BCAS3: variants seen among roughly 807,000 people sequenced by gnomAD.
The protein encoded by BCAS3 is BCAS4/BCAS3 fusion.
A neutral mutation model predicts 116.1 loss-of-function variants in BCAS3; 53 were observed. That is an observed-to-expected ratio of 0.46 (90% CI 0.37 to 0.57). The LOEUF (loss-of-function observed/expected upper bound fraction) is 0.57, where lower values mean the gene tolerates loss of function less well. Among genes scored for constraint, BCAS3 ranks in the 20% least tolerant of loss-of-function variants. BCAS3 has a pLI of 0.00. For missense variants in BCAS3, 917 were observed against 1,165.4 expected (o/e 0.79, Z 3.10); for synonymous variants, 391 against 408.2 (o/e 0.96, Z 0.51).
At chr17:60,886,728 C>T (rs1206530075) in intron 9 of BCAS3, among the ~76,000 whole-genome samples, 1 of 152,236 alleles carries the variant, frequency 6.6e-6, no homozygotes, top group African/African-American at 2.4e-5. Flanking sequence ...TGTGCTCCTG[C>T]TGGGGGGTGC....
At position 61,034,633 on chromosome 17, in the gene BCAS3, T is replaced by G; in HGVS notation, c.1638-33T>G. 1 of 1,562,048 alleles carries G rather than the reference T, an allele frequency of 6.4e-7. No individual in the cohort carries two copies. The highest frequency in any genetic ancestry group is 2.2e-5 in the East Asian group (1 of 44,510). On this transcript the variant is annotated intron_variant, in intron 16 of 23. Transcript: ENST00000407086. This position sits in a 1 kb window ranked among gnomAD's most constrained non-coding sequence, Gnocchi z 5.0. Reference sequence around the variant, plus strand: ...CTAAAGGAGTATCATTTCATCATGATAATTGTTTTTTACTCTTATTTTATT... The same window carrying G: ...CTAAAGGAGTATCATTTCATCATGAGAATTGTTTTTTACTCTTATTTTATT...
At chr17:61,194,476 A>T (rs2080353396) in intron 22 of BCAS3, among the ~76,000 whole-genome samples, 1 of 151,966 alleles carries the variant, frequency 6.6e-6, no homozygotes, top group Admixed American at 6.6e-5. Context: ...GCAGTGGCTC[A>T]CTCCTGTAAT....
chr17:60,907,164 GT>G (rs1353508164), intron 11 of BCAS3, among the ~76,000 whole-genome samples: 2 of 151,932 alleles, frequency 1.3e-5, no homozygotes, highest in Admixed American at 1.3e-4. Flanking sequence ...TGCTATTAAT[GT>G]TTTTTCCTTT....
In BCAS3 at chr17:61,281,495, A is replaced by C. The variant is rs2051244097; in HGVS notation, c.2426-86832A>C. Among the ~76,000 whole-genome samples, 1 of 152,150 alleles carries C rather than the reference A, an allele frequency of 6.6e-6. No homozygotes were observed. The highest frequency in any genetic ancestry group is 1.5e-5 in the Non-Finnish European group (1 of 68,012). Reference sequence around the variant, plus strand: ...TTATTTCTCTACGCCTTGCCAGTACAGTGTGTTATCAGATTTTTTGGTCTC... The same window carrying C: ...TTATTTCTCTACGCCTTGCCAGTACCGTGTGTTATCAGATTTTTTGGTCTC... On this transcript the variant is annotated intron_variant, in intron 22 of 23. Coordinates refer to ENST00000407086, the MANE Select transcript of BCAS3 (RefSeq NM_017679.5). This position sits in a 1 kb window ranked among gnomAD's most constrained non-coding sequence, Gnocchi z 4.2.
chr17:61,351,780 G>C (rs188694429), intron 22 of BCAS3, among the ~76,000 whole-genome samples: 65 of 152,324 alleles, frequency 4.3e-4, no homozygotes, highest in African/African-American at 1.5e-3. Flanking sequence ...CTGCAGCTAG[G>C]TGAAAAGGCA....
chr17:61,358,918 G>A (rs563641782), intron 22 of BCAS3, among the ~76,000 whole-genome samples: 14 of 152,140 alleles, frequency 9.2e-5, no homozygotes, highest in African/African-American at 1.7e-4. Context: ...CTTGTTTATC[G>A]AAGAATTTAG....
At position 61,028,958 on chromosome 17, in the gene BCAS3, C is replaced by T. The variant is rs1388385763; in HGVS notation, c.1638-5708C>T. Reference sequence around the variant, plus strand: ...AGGCAGCAAATGAATATAAATTTGACAACTTCTTCCATTTTGTTTATAAGA... The same window carrying T: ...AGGCAGCAAATGAATATAAATTTGATAACTTCTTCCATTTTGTTTATAAGA... On this transcript the variant is annotated intron_variant, in intron 16 of 23. Coordinates refer to ENST00000407086, the MANE Select transcript of BCAS3 (RefSeq NM_017679.5). The surrounding 1 kb of genome is among the most constrained non-coding windows in gnomAD (Gnocchi z 4.3). Among the ~76,000 whole-genome samples the T allele has an allele frequency of 6.6e-6, 1 of 151,822 alleles. No homozygotes were observed. Among genetic ancestry groups the T allele is most frequent in the African/African-American group, 2.4e-5 (1 of 41,396 alleles).
At chr17:61,341,412 T>G (rs34543506) in intron 22 of BCAS3, among the ~76,000 whole-genome samples, 1 of 151,852 alleles carries the variant, frequency 6.6e-6, no homozygotes, top group African/African-American at 2.4e-5. Flanking sequence ...ACAGAGAGAG[T>G]GAGCGTATGG....
At chr17:60,837,314 G>GAA (rs752456487) in intron 7 of BCAS3, among the ~76,000 whole-genome samples, 3 of 152,070 alleles carry the variant, frequency 2.0e-5, no homozygotes, top group South Asian at 4.1e-4. Flanking sequence ...TAATTCACTA[G>GAA]AACTTTATTT....
At chr17:60,711,343 G>GT (rs535491157) in intron 5 of BCAS3, among the ~76,000 whole-genome samples, 7 of 150,580 alleles carry the variant, frequency 4.6e-5, no homozygotes, top group South Asian at 2.1e-4. Context: ...ATTTGGCAGT[G>GT]TTTTTTTTTC....
rs1568007292 is a variant in BCAS3 at position 60,974,992 on chromosome 17, C to CTTTT, written c.1222-14976_1222-14973dup. On this transcript the variant is annotated intron_variant, in intron 14 of 23. Coordinates refer to ENST00000407086, the MANE Select transcript of BCAS3 (RefSeq NM_017679.5). ...CCATTTGTTTTTTTTGTTTTTTTTG[C>CTTTT]TTTTTTGTTTTTTTTTTTTTGAGAC... is the stretch of plus-strand genomic sequence containing the variant. Among the ~76,000 whole-genome samples the CTTTT allele has an allele frequency of 9.9e-5, 14 of 142,070 alleles. 1 individual carries two copies. The highest frequency in any genetic ancestry group is 4.2e-4 in the African/African-American group (14 of 33,718). The allele number at this position is 142,070 out of a possible 152,430, so 93.2% of individuals were successfully genotyped here.
At chr17:60,980,683 A>T (rs1407848769) in intron 14 of BCAS3, 1 of 151,620 alleles carries the variant, frequency 6.6e-6, no homozygotes, top group Non-Finnish European at 1.5e-5. Flanking sequence ...ACAGGCGCAC[A>T]CCAGTATGCC....
At chr17:61,160,042 T>TA (rs1233054614) in intron 22 of BCAS3, among the ~76,000 whole-genome samples, 11 of 151,436 alleles carry the variant, frequency 7.3e-5, no homozygotes, top group African/African-American at 4.9e-5. Flanking sequence ...TTGATTTAAA[T>TA]AAAAATATAT....
intron 11 of BCAS3, among the ~76,000 whole-genome samples, chr17:60,902,995 G>T (rs1053429742): frequency 6.6e-6 from 1 of 152,128 alleles, no homozygotes; most frequent in Non-Finnish European, 1.5e-5. Context: ...CTCATGAAAA[G>T]AATATTATTC....
At chr17:60,703,378 C>T (rs956194260) in intron 4 of BCAS3, among the ~76,000 whole-genome samples, 5 of 148,268 alleles carry the variant, frequency 3.4e-5, no homozygotes, top group Non-Finnish European at 7.4e-5. Flanking sequence ...CACTTGAGCT[C>T]AGGAGTTCAA....
chr17:60,979,118 A>G (rs2062620915), intron 14 of BCAS3, among the ~76,000 whole-genome samples: 1 of 149,404 alleles, frequency 6.7e-6, no homozygotes, highest in African/African-American at 2.5e-5. Flanking sequence ...CACGATATTG[A>G]TTCTTCCTAC....
chr17:60,710,310 A>G (rs947309363), intron 5 of BCAS3, among the ~76,000 whole-genome samples: 2 of 152,116 alleles, frequency 1.3e-5, no homozygotes, highest in Admixed American at 6.6e-5. Flanking sequence ...TGAATGATGT[A>G]TAAGCAAACA....
chr17:60,845,764 T>C (rs2052459954), intron 7 of BCAS3, among the ~76,000 whole-genome samples: 1 of 149,058 alleles, frequency 6.7e-6, no homozygotes, highest in Non-Finnish European at 1.5e-5. Flanking sequence ...TTTCTACTTC[T>C]TTCTTTCTCT....
chr17:61,138,238 T>C (rs890049622), intron 22 of BCAS3, among the ~76,000 whole-genome samples: 2 of 152,254 alleles, frequency 1.3e-5, no homozygotes, highest in Non-Finnish European at 2.9e-5. Context: ...GATTTAAATT[T>C]AAATAGTTGA....
Sources: gnomAD v4.1 joint callset for allele counts (sites outside exome capture counted in the v4.1 genomes callset) on GRCh38, gnomAD v4.1.1 for gene constraint, Gnocchi (gnomAD v3.1) non-coding constraint, MANE v1.5 for transcripts, NCBI Gene and HGNC (gene_info 2026-07-23, HGNC 2026-07-21) for gene names.